Variants in CCDC7 observed in about 807,000 individuals in gnomAD.
CCDC7 encodes the protein coiled-coil domain-containing protein 7.
In CCDC7, 183 loss-of-function variants were observed where a neutral mutation model predicts 196.9. That is an observed-to-expected ratio of 0.93 (90% confidence interval 0.82 to 1.05). CCDC7 has a LOEUF of 1.05. Ranked by LOEUF, CCDC7 falls within the 50% of genes least tolerant of loss-of-function variation. CCDC7 has a pLI of 0.00. For missense variants in CCDC7, 1,540 were observed against 1,482.2 expected (o/e 1.04, Z -0.64); for synonymous variants, 525 against 484.6 (o/e 1.08, Z -1.10).
chr10:32,881,920 A>G (rs1226908720), downstream of CCDC7, among the ~76,000 whole-genome samples: 1 of 152,168 alleles, frequency 6.6e-6, no homozygotes, highest in Non-Finnish European at 1.5e-5. Flanking sequence ...GGATCACGAC[A>G]CAAGTTCATC....
chr10:32,780,942 A>G (rs1386793162), intron 29 of CCDC7, among the ~76,000 whole-genome samples: 1 of 152,138 alleles, frequency 6.6e-6, no homozygotes, highest in Non-Finnish European at 1.5e-5. Flanking sequence ...ACTAGAGAAA[A>G]ATAATAAAGT....
rs2210851 is a variant in CCDC7, at chr10:32,653,766, C to A, written c.2015-10288C>A. 7.2e-3 allele frequency among the ~76,000 whole-genome samples: 1,103 copies of A among 152,266 alleles called. 15 individuals carry two copies. The highest frequency in any genetic ancestry group is 0.025 in the African/African-American group (1,050 of 41,558). The stretch of plus-strand genomic sequence containing the variant: ...TACAAATGTTGCAATTTCTAGAAAA[C>A]AATTTCATATCACAATTTGACTATG... On this transcript the variant is annotated intron_variant, in intron 20 of 41. Coordinates refer to ENST00000639629, the Ensembl canonical transcript of CCDC7.
rs959263683 is a variant in CCDC7 at position 32,471,277 on chromosome 10, G to T, written c.677+47G>T. On this transcript the variant is annotated intron_variant, in intron 6 of 41. Coordinates refer to ENST00000639629, the Ensembl canonical transcript of CCDC7. ...ATTGAATTAAAAACAGTAAGAAAGG[G>T]TATATAATTAGCACTGAATGTAAGA... The T allele has an allele frequency of 5.1e-6, 8 of 1,579,098 alleles. No homozygotes were observed. The East Asian group carries it at 1.1e-4, about 22-fold the overall frequency.
intron 20 of CCDC7, among the ~76,000 whole-genome samples, chr10:32,639,753 C>G (rs144935944): frequency 1.3e-5 from 2 of 151,806 alleles, no homozygotes; most frequent in Admixed American, 6.6e-5. Context: ...TCAGCCTCTC[C>G]GAGTAGCTGG....
chr10:32,518,807 G>T (rs111292470), intron 11 of CCDC7, among the ~76,000 whole-genome samples: 24 of 152,062 alleles, frequency 1.6e-4, no homozygotes, highest in African/African-American at 5.8e-4. Context: ...AATGCATTTT[G>T]TGGTATTTTC....
chr10:32,778,896 C>G (rs1271530866), intron 28 of CCDC7, 81 bp from the exon 30 acceptor site: 1 of 964,936 alleles, frequency 1.0e-6, no homozygotes, highest in African/African-American at 1.7e-5. Context: ...CTTTCACCTT[C>G]TTGGTTACAT....
Position 32,619,529 on chromosome 10 carries a change from C to T in CCDC7, c.1802-14725C>T, listed in dbSNP as rs2063146156. Among the ~76,000 whole-genome samples the T allele has an allele frequency of 2.6e-5, 4 of 152,158 alleles. No individual in the cohort carries two copies. In the South Asian group the frequency reaches 6.2e-4, roughly 24 times the overall value. On this transcript the variant is annotated intron_variant, in intron 18 of 41. Coordinates refer to ENST00000639629, the Ensembl canonical transcript of CCDC7. ...ATATAGAATAACATACATATGCACACATACAGGCATATATGTTAAAGGCAA... is the reference window on the plus strand; with the variant it reads ...ATATAGAATAACATACATATGCACATATACAGGCATATATGTTAAAGGCAA...
chr10:32,579,629 A>G (rs938762446), intron 16 of CCDC7, among the ~76,000 whole-genome samples: 2 of 152,152 alleles, frequency 1.3e-5, no homozygotes, highest in African/African-American at 4.8e-5. Flanking sequence ...TTATTACATA[A>G]AAAGGATGCA....
At chr10:32,878,594 C>T (rs183261352), downstream of CCDC7, among the ~76,000 whole-genome samples, 201 of 152,154 alleles carry the variant, frequency 1.3e-3, 1 homozygote, top group Non-Finnish European at 2.5e-3. Context: ...GGTCTAGGGT[C>T]TTTGAAAGAC....
intron 20 of CCDC7, among the ~76,000 whole-genome samples, chr10:32,649,133 A>G (rs1010625526): frequency 2.0e-5 from 3 of 152,156 alleles, no homozygotes; most frequent in Non-Finnish European, 2.9e-5. Flanking sequence ...ACATGGGGGG[A>G]TCAACACACA....
In CCDC7 at chr10:32,777,859, G is replaced by A. The variant is rs190743043; in HGVS notation, c.2906-1118G>A. 1.9e-3 allele frequency among the ~76,000 whole-genome samples: 296 copies of A among 152,246 alleles called. 3 individuals are homozygous for A. The highest frequency in any genetic ancestry group is 6.8e-3 in the African/African-American group (282 of 41,550). On this transcript the variant is annotated intron_variant, in intron 28 of 41. Coordinates refer to ENST00000639629, the Ensembl canonical transcript of CCDC7. Reference sequence around the variant, plus strand: ...AGCCTGGGTGACAGAGTGAGACTCCGTCTCAAAATAATAATAATAGCCATT... The same window carrying A: ...AGCCTGGGTGACAGAGTGAGACTCCATCTCAAAATAATAATAATAGCCATT...
intron 18 of CCDC7, among the ~76,000 whole-genome samples, chr10:32,632,038 T>C (rs887810194): frequency 2.6e-5 from 4 of 151,938 alleles, no homozygotes; most frequent in African/African-American, 9.7e-5. Context: ...GGGATGTATT[T>C]GTGTGTGTAT....
exon 1 of CCDC7, chr10:32,451,741 T>G: frequency 6.2e-7 from 1 of 1,614,166 alleles, no homozygotes; most frequent in African/African-American, 1.3e-5. Context: ...CATTATCACC[T>G]GAGCTAAAGG....
chr10:32,624,944 G>T (rs1216332279), intron 18 of CCDC7, among the ~76,000 whole-genome samples: 1 of 137,838 alleles, frequency 7.3e-6, no homozygotes, highest in African/African-American at 2.6e-5. Context: ...TCCATAGGTT[G>T]CCTTTTCATT....
chr10:32,611,795 C>A (rs367637942), intron 18 of CCDC7, among the ~76,000 whole-genome samples: 1 of 152,158 alleles, frequency 6.6e-6, no homozygotes, highest in South Asian at 2.1e-4. Flanking sequence ...GTTTTGGCAC[C>A]AGTACCATGC....
At chr10:32,845,199 T>G in intron 33 of CCDC7, 44 bp from the exon 35 acceptor site, 1 of 1,234,298 alleles carries the variant, frequency 8.1e-7, no homozygotes, top group South Asian at 1.4e-5. Flanking sequence ...GATTTGGTAA[T>G]GTTTACCTTT....
At chr10:32,666,168 A>G (rs2072659542) in intron 21 of CCDC7, among the ~76,000 whole-genome samples, 1 of 133,388 alleles carries the variant, frequency 7.5e-6, no homozygotes, top group Admixed American at 7.6e-5. Flanking sequence ...GGTGTTATTT[A>G]GTCCTTGTGG....
At chr10:32,508,879 C>A (rs969544680) in intron 9 of CCDC7, among the ~76,000 whole-genome samples, 1 of 151,296 alleles carries the variant, frequency 6.6e-6, no homozygotes, top group African/African-American at 2.4e-5. Context: ...GTGATCTTCC[C>A]GCCTTGGCCT....
intron 23 of CCDC7, among the ~76,000 whole-genome samples, chr10:32,693,864 G>C (rs187819370): frequency 7.9e-4 from 121 of 152,216 alleles, no homozygotes; most frequent in Non-Finnish European, 1.4e-3. Context: ...GCATTCTGTC[G>C]AGGGCTGGCT....
Sources: gnomAD v4.1 joint callset for allele counts (sites outside exome capture counted in the v4.1 genomes callset) on GRCh38, gnomAD v4.1.1 for gene constraint, MANE v1.5 for transcripts, NCBI Gene and HGNC (gene_info 2026-07-23, HGNC 2026-07-21) for gene names.